FBXO33: variants seen among roughly 807,000 people sequenced by gnomAD.
FBXO33 encodes F-box only protein 33.
A neutral mutation model predicts 46.3 loss-of-function variants in FBXO33; 22 were observed. The observed-to-expected ratio is 0.48, with a 90% CI of 0.34 to 0.68. The LOEUF (loss-of-function observed/expected upper bound fraction) is 0.68. Ranked by LOEUF, FBXO33 falls within the 30% of genes least tolerant of loss-of-function variation. The pLI is 0.01. For missense variants in FBXO33, 692 were observed against 708.8 expected (o/e 0.98, Z 0.27); for synonymous variants, 337 against 291.3 (o/e 1.16, Z -1.60).
chr14:39,406,558 A>G (rs902424251), intron 1 of FBXO33, among the ~76,000 whole-genome samples: 2 of 152,204 alleles, frequency 1.3e-5, no homozygotes, highest in Admixed American at 6.5e-5. Flanking sequence ...TGGTCTGGAG[A>G]GAGTTTTCAG....
intron 1 of FBXO33, among the ~76,000 whole-genome samples, chr14:39,406,340 T>G (rs73285548): frequency 0.085 from 12,967 of 152,214 alleles, 1,809 homozygotes; most frequent in African/African-American, 0.29. Flanking sequence ...AACTTTCATT[T>G]ATTTGGTGGT....
intron 1 of FBXO33, among the ~76,000 whole-genome samples, chr14:39,419,411 A>G (rs1448816421): frequency 6.6e-6 from 1 of 152,246 alleles, no homozygotes; most frequent in Non-Finnish European, 1.5e-5. Context: ...TTGAAATTAG[A>G]TTATAGACCA....
chr14:39,421,973 ACAGAC>A, intron 1 of FBXO33, among the ~76,000 whole-genome samples: 1 of 152,364 alleles, frequency 6.6e-6, no homozygotes, highest in East Asian at 1.9e-4. Flanking sequence ...AAAAATAAAT[ACAGAC>A]CAGGCACAGT....
chr14:39,401,061 T>C lies in FBXO33; in HGVS notation c.1396+115A>G, dbSNP rs545210063. 8.8e-4 allele frequency: 847 copies of C among 961,402 alleles called. 1 individual carries two copies. Among genetic ancestry groups the C allele is most frequent in the Non-Finnish European group, 1.2e-3 (773 of 661,262 alleles). 59.6% of individuals were successfully genotyped at this position (961,402 alleles called of 1,614,324 possible). On this transcript the variant is annotated intron_variant, in intron 3 of 3. Coordinates refer to ENST00000298097, the MANE Select transcript of FBXO33 (RefSeq NM_203301.4). ...ACTTTAAAAAGCATAAGAATCTGTA[T>C]ATCAACTTGATACAAGATTTCTTGA...
intron 1 of FBXO33, among the ~76,000 whole-genome samples, chr14:39,428,486 G>A (rs1468557511): frequency 6.6e-6 from 1 of 152,058 alleles, no homozygotes; most frequent in Admixed American, 6.5e-5. Flanking sequence ...ACAGGTGTGA[G>A]CCACCACCCC....
chr14:39,423,327 G>A (rs898801968), intron 1 of FBXO33, among the ~76,000 whole-genome samples: 7 of 152,180 alleles, frequency 4.6e-5, no homozygotes, highest in Non-Finnish European at 8.8e-5. Flanking sequence ...ACCAATGAGA[G>A]TATCAAATGG....
At position 39,398,790 on chromosome 14, in the gene FBXO33, C is replaced by T. The variant is rs2075355469; in HGVS notation, c.*726G>A. ...TTTTACTCTGAAATACAGTTTCTTTCTTCCCCCACTATTTGAAATCTGGGC... is the reference window on the plus strand; with the variant it reads ...TTTTACTCTGAAATACAGTTTCTTTTTTCCCCCACTATTTGAAATCTGGGC... On this transcript the variant is annotated 3_prime_UTR_variant, in exon 4 of 4. Coordinates refer to ENST00000298097, the MANE Select transcript of FBXO33 (RefSeq NM_203301.4). 6.6e-6 allele frequency: 1 copy of T among 152,432 alleles called. No individual in the cohort carries two copies. Among genetic ancestry groups the T allele is most frequent in the South Asian group, 2.1e-4 (1 of 4,834 alleles). 9.4% of individuals were successfully genotyped at this position (152,432 alleles called of 1,614,324 possible).
intron 1 of FBXO33, among the ~76,000 whole-genome samples, chr14:39,407,033 A>T (rs1025243247): frequency 6.6e-6 from 1 of 152,216 alleles, no homozygotes; most frequent in Non-Finnish European, 1.5e-5. Flanking sequence ...AAAAAAAGCT[A>T]CTATAACTAT....
Position 39,401,865 on chromosome 14 carries a change from T to C in FBXO33, c.711-4A>G. 3 of 1,603,350 alleles carry C rather than the reference T, an allele frequency of 1.9e-6. No homozygotes were observed. Among genetic ancestry groups the C allele is most frequent in the East Asian group, 2.2e-5 (1 of 44,818 alleles). On this transcript the variant is annotated splice_region_variant and splice_polypyrimidine_tract_variant and intron_variant, in intron 2 of 3. Transcript: ENST00000298097. ...TTCTTCAAACAGTTGCTGAATTCTATAAGGAAAACACATGCCACAGTGATC... is the reference window on the plus strand; with the variant it reads ...TTCTTCAAACAGTTGCTGAATTCTACAAGGAAAACACATGCCACAGTGATC...
chr14:39,415,987 A>T (rs998364067), intron 1 of FBXO33, among the ~76,000 whole-genome samples: 2 of 152,190 alleles, frequency 1.3e-5, no homozygotes, highest in African/African-American at 4.8e-5. Flanking sequence ...GGCTTTTAAC[A>T]TTTATATCAG....
intron 1 of FBXO33, among the ~76,000 whole-genome samples, chr14:39,418,026 C>A (rs1236978414): frequency 6.6e-6 from 1 of 151,738 alleles, no homozygotes; most frequent in African/African-American, 2.4e-5. Flanking sequence ...GTGATCATAT[C>A]TGGTGGACTT....
In FBXO33 at chr14:39,418,627, TA is replaced by T. The variant is rs1414033198; in HGVS notation, c.599+12936del. ...CGTCTCTACTAAAAATACAAAAAAT[TA>T]GCCAGGCGTGGTGGCGGGTCCCTGT... On this transcript the variant is annotated intron_variant, in intron 1 of 3. Transcript: ENST00000298097. Among the ~76,000 whole-genome samples, 3 of 150,798 alleles carry T rather than the reference TA, an allele frequency of 2.0e-5. No individual in the cohort carries two copies. The East Asian group carries it at 6.0e-4, about 30-fold the overall frequency.
intron 1 of FBXO33, among the ~76,000 whole-genome samples, chr14:39,420,415 C>A (rs998883046): frequency 6.6e-6 from 1 of 152,112 alleles, no homozygotes; most frequent in African/African-American, 2.4e-5. Flanking sequence ...AGCGGCTGGG[C>A]GCCGGTGGCT....
chr14:39,400,380 A>T (rs1297820837), intron 3 of FBXO33, among the ~76,000 whole-genome samples: 1 of 152,236 alleles, frequency 6.6e-6, no homozygotes, highest in East Asian at 1.9e-4. Flanking sequence ...TTTAGCATAA[A>T]GAAGAAAAAG....
intron 1 of FBXO33, among the ~76,000 whole-genome samples, chr14:39,403,855 G>A (rs556503799): frequency 4.5e-4 from 68 of 150,008 alleles, no homozygotes; most frequent in African/African-American, 1.4e-3. Context: ...AGGTTGGAGC[G>A]CAGTGGTATG....
intron 1 of FBXO33, among the ~76,000 whole-genome samples, chr14:39,410,939 A>G (rs1383466678): frequency 6.6e-6 from 1 of 151,438 alleles, no homozygotes; most frequent in Admixed American, 6.6e-5. Flanking sequence ...CCTTTTCAAA[A>G]AGCAATGCCC....
At chr14:39,428,911 G>A (rs2075529630) in intron 1 of FBXO33, among the ~76,000 whole-genome samples, 1 of 152,170 alleles carries the variant, frequency 6.6e-6, no homozygotes, top group South Asian at 2.1e-4. Context: ...TAATGAAGAA[G>A]ACAGGTATCC....
chr14:39,406,317 C>T (rs2075397983), intron 1 of FBXO33, among the ~76,000 whole-genome samples: 2 of 152,150 alleles, frequency 1.3e-5, no homozygotes, highest in African/African-American at 4.8e-5. Flanking sequence ...CAGTATTTTT[C>T]TCCTTTCAAC....
rs769903679 is a variant in FBXO33, at chr14:39,401,198, C to G, written c.1374G>C (p.Lys458Asn). The change falls in exon 3 of 4, where the codon AAG becomes AAC. Residue 458 changes from lysine to asparagine, a missense_variant. Physicochemically the swap from Lys to Asn is moderately conservative, Grantham distance 94. This residue lies in a region of FBXO33 where 186 missense variants were observed against 246.1 expected (regional missense o/e 0.76). Coordinates refer to ENST00000298097, the MANE Select transcript of FBXO33 (RefSeq NM_203301.4). ...TACCATGAATTGCCAGAAGAGAGAG[C>G]TTTGTGCACCTCCATGCTAATAAAA... ...PLVLLAWRCTKLSLLAIHGYT... is the reference protein window; with the variant it reads ...PLVLLAWRCTNLSLLAIHGYT... 1.3e-6 allele frequency: 2 copies of G among 1,596,558 alleles called. No individual in the cohort carries two copies. Among genetic ancestry groups the G allele is most frequent in the Admixed American group, 3.5e-5 (2 of 57,302 alleles).
Sources: allele counts gnomAD v4.1 joint callset (sites outside exome capture counted in the v4.1 genomes callset), GRCh38; gene constraint gnomAD v4.1.1; regional missense constraint gnomAD v4.1.1; transcripts MANE v1.5; gene names NCBI Gene and HGNC (gene_info 2026-07-23, HGNC 2026-07-21).